The following DCC variants were observed in gnomAD, a reference collection of about 807,000 sequenced individuals.
The protein encoded by DCC is netrin receptor DCC.
Under a neutral mutation model 172.5 loss-of-function variants are expected in DCC, and 58 were observed. The ratio of observed to expected loss-of-function variants is 0.34; its 90% CI spans 0.27 to 0.42. The LOEUF (loss-of-function observed/expected upper bound fraction) is 0.42, where lower values mean the gene tolerates loss of function less well. Among genes scored for constraint, DCC ranks in the 10% least tolerant of loss-of-function variants. The pLI is 1.00. For missense variants in DCC, 1,740 were observed against 1,791.0 expected, an observed-to-expected ratio of 0.97 and a Z score of 0.51; for synonymous variants, 709 against 644.5, an observed-to-expected ratio of 1.10 and a Z score of -1.52.
intron 1 of DCC, among the ~76,000 whole-genome samples, chr18:52,700,371 GCA>G (rs2036102306): frequency 7.1e-6 from 1 of 141,038 alleles, no homozygotes; most frequent in Non-Finnish European, 1.5e-5. Flanking sequence ...ACACACACAT[GCA>G]CACACATGCA....
intron 15 of DCC, among the ~76,000 whole-genome samples, chr18:53,373,342 A>T (rs2058078231): frequency 2.0e-5 from 3 of 151,990 alleles, no homozygotes; most frequent in African/African-American, 7.2e-5. Context: ...TGACTCATTT[A>T]TGTTAAGTCC....
intron 2 of DCC, among the ~76,000 whole-genome samples, chr18:52,861,825 C>G (rs780551655): frequency 1.6e-4 from 25 of 152,034 alleles, no homozygotes; most frequent in Admixed American, 5.2e-4. Context: ...TTATCAGAAG[C>G]CTGTATTCAA....
At position 53,338,674 on chromosome 18, in the gene DCC, C is replaced by T. The variant is rs572086282; in HGVS notation, c.2165-1039C>T. Among the ~76,000 whole-genome samples the T allele has an allele frequency of 3.3e-5, 5 of 152,180 alleles. No homozygotes were observed. The South Asian group carries it at 6.2e-4, about 19-fold the overall frequency. ...ATATTTTTTTAAGACTAGGAAACAG[C>T]GAAGAATGACAACATAAAAATCAGA... is the stretch of plus-strand genomic sequence containing the variant. On this transcript the variant is annotated intron_variant, in intron 14 of 28. Coordinates refer to ENST00000442544, the MANE Select transcript of DCC (RefSeq NM_005215.4).
chr18:52,525,793 CAAAGT>C (rs1442999022), intron 1 of DCC, among the ~76,000 whole-genome samples: 1 of 152,070 alleles, frequency 6.6e-6, no homozygotes, highest in Non-Finnish European at 1.5e-5. Flanking sequence ...GACAGAAAGA[CAAAGT>C]AATTTAAGAG....
intron 1 of DCC, among the ~76,000 whole-genome samples, chr18:52,426,710 T>C (rs1235012422): frequency 6.6e-6 from 1 of 152,118 alleles, no homozygotes; most frequent in Non-Finnish European, 1.5e-5. Context: ...GTTGCCAGCA[T>C]GTAAATAGGT....
intron 1 of DCC, among the ~76,000 whole-genome samples, chr18:52,488,545 C>T (rs915515347): frequency 2.0e-5 from 3 of 152,064 alleles, no homozygotes; most frequent in Admixed American, 6.6e-5. Flanking sequence ...ATAAATGAAA[C>T]TAGATCTGAC....
chr18:52,796,803 G>A (rs1474091764), intron 2 of DCC, among the ~76,000 whole-genome samples: 1 of 152,048 alleles, frequency 6.6e-6, no homozygotes, highest in African/African-American at 2.4e-5. Context: ...AGACATTTTT[G>A]AATTGAACCT....
intron 1 of DCC, among the ~76,000 whole-genome samples, chr18:52,496,172 T>C (rs1273332948): frequency 2.6e-5 from 4 of 152,150 alleles, no homozygotes; most frequent in Admixed American, 6.6e-5. Flanking sequence ...CCATGGTTCA[T>C]TTCTCATCCC....
intron 5 of DCC, among the ~76,000 whole-genome samples, chr18:53,057,421 T>C (rs28460190): frequency 0.11 from 16,904 of 152,136 alleles, 1,314 homozygotes; most frequent in East Asian, 0.37. Flanking sequence ...AACAGAATTA[T>C]ATTTTTTCTA....
intron 11 of DCC, among the ~76,000 whole-genome samples, chr18:53,211,080 T>C (rs747149681): frequency 1.3e-5 from 2 of 152,186 alleles, no homozygotes; most frequent in Non-Finnish European, 2.9e-5. Context: ...GAATGAACCA[T>C]TGAAAGTTTC....
intron 1 of DCC, among the ~76,000 whole-genome samples, chr18:52,449,744 G>A (rs1988242135): frequency 6.6e-6 from 1 of 152,124 alleles, no homozygotes; most frequent in African/African-American, 2.4e-5. Flanking sequence ...GGACCTGGTG[G>A]TGGGTCTTTT....
At chr18:52,395,804 A>G (rs1276018451) in intron 1 of DCC, among the ~76,000 whole-genome samples, 11 of 151,944 alleles carry the variant, frequency 7.2e-5, no homozygotes, top group Admixed American at 7.2e-4. Flanking sequence ...CTTCATTTCC[A>G]TCTTCTACAT....
chr18:53,465,348 G>T (rs1208793480), intron 24 of DCC, among the ~76,000 whole-genome samples: 1 of 151,836 alleles, frequency 6.6e-6, no homozygotes, highest in East Asian at 1.9e-4. Flanking sequence ...ATTTTTGCTG[G>T]ATATTGTTAA....
chr18:52,633,559 C>T (rs2034716615), intron 1 of DCC, among the ~76,000 whole-genome samples: 1 of 152,140 alleles, frequency 6.6e-6, no homozygotes, highest in African/African-American at 2.4e-5. Flanking sequence ...TCAAAGACCC[C>T]ACAATGCCAA....
intron 3 of DCC, among the ~76,000 whole-genome samples, chr18:52,916,525 G>A (rs1362675779): frequency 1.3e-5 from 2 of 152,140 alleles, no homozygotes; most frequent in Admixed American, 6.6e-5. Flanking sequence ...TGGAAGATGT[G>A]TCTAATACAA....
intron 2 of DCC, among the ~76,000 whole-genome samples, chr18:52,799,490 T>C (rs763899819): frequency 1.3e-5 from 2 of 152,178 alleles, no homozygotes; most frequent in Non-Finnish European, 2.9e-5. Flanking sequence ...ACACCTACAA[T>C]TGGGCAAAAT....
intron 7 of DCC, among the ~76,000 whole-genome samples, chr18:53,119,116 C>G (rs1215487385): frequency 6.6e-6 from 1 of 151,710 alleles, no homozygotes; most frequent in Admixed American, 6.6e-5. Context: ...GCTGTGTCCC[C>G]CTGAGGTATC....
chr18:52,795,589 T>A (rs2037859391), intron 2 of DCC, among the ~76,000 whole-genome samples: 7 of 151,942 alleles, frequency 4.6e-5, no homozygotes, highest in Admixed American at 3.9e-4. Context: ...ATGTTTTTCA[T>A]TTAGTCTGTT....
intron 15 of DCC, among the ~76,000 whole-genome samples, chr18:53,341,872 A>G (rs1375371352): frequency 1.3e-5 from 2 of 152,238 alleles, no homozygotes; most frequent in Non-Finnish European, 1.5e-5. Context: ...CAGTTTCCAT[A>G]GTAACTTTTT....
Sources: allele counts gnomAD v4.1 joint callset (sites outside exome capture counted in the v4.1 genomes callset), GRCh38; gene constraint gnomAD v4.1.1; transcripts MANE v1.5; gene names NCBI Gene and HGNC (gene_info 2026-07-23, HGNC 2026-07-21).